The following IFT46 variants were observed in gnomAD, a reference collection of about 807,000 sequenced individuals.
The protein encoded by IFT46 is intraflagellar transport protein 46 homolog.
Under a neutral mutation model 39.6 loss-of-function variants are expected in IFT46, and 19 were observed. That is an observed-to-expected ratio of 0.48 (90% CI 0.33 to 0.70). IFT46 has a LOEUF of 0.70. IFT46 is among the 30% of genes least tolerant of loss of function. IFT46 has a pLI of 0.01. For synonymous variants in IFT46, 117 were observed against 134.8 expected (o/e 0.87, Z 0.91); for missense variants, 334 against 364.8 (o/e 0.92, Z 0.69).
Position 118,545,911 on chromosome 11 carries a change from A to ACTCT in IFT46, c.673-62_673-59dup, listed in dbSNP as rs538187192. 4.6e-4 allele frequency: 661 copies of ACTCT among 1,441,152 alleles called. 2 individuals are homozygous for ACTCT. The African/African-American group carries it at 7.9e-3, about 17-fold the overall frequency. The allele number at this position is 1,441,152 out of a possible 1,614,324, so 89.3% of individuals were successfully genotyped here. ...GGATGGTGTCAGTGGTCCCAGAACC[A>ACTCT]CTCTCTCTCTCTGAAGCAAAAGAGC... On this transcript the variant is annotated intron_variant, in intron 9 of 11. Coordinates refer to ENST00000264021, the MANE Select transcript of IFT46 (RefSeq NM_001168618.2).
chr11:118,553,371 G>T (rs1937716895), intron 7 of IFT46, among the ~76,000 whole-genome samples: 1 of 151,250 alleles, frequency 6.6e-6, no homozygotes, highest in East Asian at 1.9e-4. Context: ...AACCCGGGAG[G>T]TGGAGGTTGT....
upstream of IFT46, among the ~76,000 whole-genome samples, chr11:118,575,917 A>G (rs1938485587): frequency 6.6e-6 from 1 of 152,060 alleles, no homozygotes; most frequent in South Asian, 2.1e-4. Flanking sequence ...CAAAGTGGTT[A>G]GAACTGGAGC....
chr11:118,576,591 TTTA>T (rs1165551706), upstream of IFT46, among the ~76,000 whole-genome samples: 7 of 152,060 alleles, frequency 4.6e-5, no homozygotes, highest in African/African-American at 1.2e-4. Context: ...TGTAAAGAGG[TTTA>T]TTATTTCAAG....
chr11:118,555,195 G>T, intron 5 of IFT46, 53 bp downstream of exon 5: 1 of 1,563,374 alleles, frequency 6.4e-7, no homozygotes, highest in East Asian at 2.2e-5. Flanking sequence ...AGATAGGAAA[G>T]GTTTGGGGCA....
At chr11:118,566,509 G>C (rs188850401), upstream of IFT46, among the ~76,000 whole-genome samples, 335 of 152,078 alleles carry the variant, frequency 2.2e-3, 3 homozygotes, top group Middle Eastern at 0.034. Context: ...TGGCTAACAC[G>C]GTGAAACCCC....
At chr11:118,558,527 G>A (rs556126918) in intron 3 of IFT46, among the ~76,000 whole-genome samples, 57 of 151,302 alleles carry the variant, frequency 3.8e-4, no homozygotes, top group African/African-American at 1.2e-3. Flanking sequence ...CCCTGGAGGC[G>A]GAGGTTGCAG....
chr11:118,572,747 TGTC>T lies in IFT46; in HGVS notation c.-287_-285del, dbSNP rs1369524023. 3.3e-5 allele frequency: 18 copies of T among 549,818 alleles called. No homozygotes were observed. In the Admixed American group the frequency reaches 3.9e-4, roughly 12 times the overall value. 34.1% of individuals were successfully genotyped at this position (549,818 alleles called of 1,614,324 possible). ...CCGATGGAGCTGACTCCAGTCCATC[TGTC>T]GTCGTGCCCGCTTCCGCACCACCCC... On this transcript the variant is annotated 5_prime_UTR_variant, in exon 1 of 6. Coordinates refer to the IFT46 transcript ENST00000528378.
At chr11:118,572,364 T>G in intron 1 of IFT46, 7 of 13,940 alleles carry the variant, frequency 5.0e-4, no homozygotes, top group East Asian at 3.8e-3. Flanking sequence ...CCCCCCGCCC[T>G]TTGACCTGCG....
At chr11:118,550,254 C>T (rs1203741098) in intron 9 of IFT46, among the ~76,000 whole-genome samples, 2 of 152,066 alleles carry the variant, frequency 1.3e-5, no homozygotes, top group Non-Finnish European at 2.9e-5. Context: ...CTGCACCCGG[C>T]CTCAATATGA....
At position 118,555,351 on chromosome 11, in the gene IFT46, G is replaced by A. The variant is rs1555069291; in HGVS notation, c.186-29C>T. The A allele has an allele frequency of 2.5e-6, 4 of 1,590,214 alleles. No homozygotes were observed. The East Asian group carries it at 6.7e-5, about 27-fold the overall frequency. On this transcript the variant is annotated intron_variant, in intron 4 of 11. Transcript: ENST00000264021. ...GGAAAAGGAAAACAGTTTGTTCGAGGTGGCCAGAGAAGAGCAGAGGTGGCA... is the reference window on the plus strand; with the variant it reads ...GGAAAAGGAAAACAGTTTGTTCGAGATGGCCAGAGAAGAGCAGAGGTGGCA...
chr11:118,572,754 G>T, exon 1 of IFT46: 1 of 529,274 alleles, frequency 1.9e-6, no homozygotes, highest in South Asian at 3.2e-5. Flanking sequence ...ATCTGTCGTC[G>T]TGCCCGCTTC....
At chr11:118,558,397 C>T (rs782817817) in intron 3 of IFT46, among the ~76,000 whole-genome samples, 1 of 152,138 alleles carries the variant, frequency 6.6e-6, no homozygotes, top group African/African-American at 2.4e-5. Flanking sequence ...GAGTTCGAGA[C>T]CAGCCTGACC....
At chr11:118,575,368 A>G (rs1329689967), upstream of IFT46, among the ~76,000 whole-genome samples, 1 of 151,992 alleles carries the variant, frequency 6.6e-6, no homozygotes, top group East Asian at 1.9e-4. Flanking sequence ...TTTGCCATCT[A>G]TTTATGTCTT....
At chr11:118,569,222 T>C (rs1938288806), upstream of IFT46, among the ~76,000 whole-genome samples, 1 of 151,354 alleles carries the variant, frequency 6.6e-6, no homozygotes, top group Non-Finnish European at 1.5e-5. Context: ...GAGGTTGCAG[T>C]GAGCTGAGAT....
At chr11:118,565,742 C>A (rs1242259897) in intron 1 of IFT46, 48 bp downstream of exon 1, 3 of 152,532 alleles carry the variant, frequency 2.0e-5, no homozygotes, top group Non-Finnish European at 4.4e-5. Flanking sequence ...TCCTCTTAAG[C>A]CTCTCTAGAA....
intron 2 of IFT46, among the ~76,000 whole-genome samples, chr11:118,562,210 G>C (rs1168570369): frequency 6.6e-6 from 1 of 152,060 alleles, no homozygotes; most frequent in African/African-American, 2.4e-5. Flanking sequence ...CTGGGAGGTT[G>C]AGGTTGCAGT....
chr11:118,559,833 C>G lies in IFT46; in HGVS notation c.-4G>C. On this transcript the variant is annotated 5_prime_UTR_variant, in exon 3 of 12. Coordinates refer to ENST00000264021, the MANE Select transcript of IFT46 (RefSeq NM_001168618.2). Reference sequence around the variant, plus strand: ...CATCACTGCTGTTATCAGCCATAGCCTTGTTAGGAAGATGGGCAGAACGAG... The same window carrying G: ...CATCACTGCTGTTATCAGCCATAGCGTTGTTAGGAAGATGGGCAGAACGAG... The G allele has an allele frequency of 6.2e-7, 1 of 1,613,066 alleles. No individual in the cohort carries two copies. Among genetic ancestry groups the G allele is most frequent in the Non-Finnish European group, 8.5e-7 (1 of 1,179,084 alleles).
chr11:118,570,180 A>G (rs1362077074), upstream of IFT46, among the ~76,000 whole-genome samples: 11 of 151,112 alleles, frequency 7.3e-5, no homozygotes, highest in Non-Finnish European at 1.5e-4. Flanking sequence ...CAGCCTCCCG[A>G]ACAGCTGAGA....
chr11:118,572,772 C>A (rs782033043), exon 1 of IFT46: 11 of 484,822 alleles, frequency 2.3e-5, no homozygotes, highest in Non-Finnish European at 1.1e-5. Context: ...TTCCGCACCA[C>A]CCCCCAACCA....
Sources: allele counts gnomAD v4.1 joint callset (sites outside exome capture counted in the v4.1 genomes callset), GRCh38; gene constraint gnomAD v4.1.1; transcripts MANE v1.5; gene names NCBI Gene and HGNC (gene_info 2026-07-23, HGNC 2026-07-21).